The following MTOR variants were observed in gnomAD, a reference collection of about 807,000 sequenced individuals.
MTOR encodes the protein mechanistic target of rapamycin kinase.
Under a neutral mutation model 319.8 loss-of-function variants are expected in MTOR, and 70 were observed. The ratio of observed to expected loss-of-function variants is 0.22; its 90% CI spans 0.18 to 0.27. The LOEUF is 0.27. Among genes scored for constraint, MTOR ranks in the 10% least tolerant of loss-of-function variants. MTOR has a pLI of 1.00. For missense variants in MTOR, 1,890 were observed against 3,274.4 expected (o/e 0.58, Z 10.32); for synonymous variants, 1,183 against 1,211.4 (o/e 0.98, Z 0.49).
chr1:11,167,794 G>A (rs1379899929), intron 28 of MTOR, among the ~76,000 whole-genome samples: 2 of 152,212 alleles, frequency 1.3e-5, no homozygotes, highest in Non-Finnish European at 2.9e-5. Context: ...ACTAGGCTGG[G>A]TGTGGTGGCT....
chr1:11,193,894 T>C, intron 28 of MTOR: 1 of 1,088,148 alleles, frequency 9.2e-7, no homozygotes, highest in East Asian at 2.6e-5. Flanking sequence ...ATTGTGATGG[T>C]TTTCCTGCAA....
chr1:11,154,279 TTTG>T (rs140562940), intron 30 of MTOR, among the ~76,000 whole-genome samples: 13,352 of 150,998 alleles, frequency 0.088, 946 homozygotes, highest in South Asian at 0.2. Context: ...ACATGGAATT[TTTG>T]TTGTTGTTGT....
chr1:11,144,910 GA>G, intron 33 of MTOR, 57 bp downstream of exon 33: 1 of 1,588,852 alleles, frequency 6.3e-7, no homozygotes. Context: ...AGCCCATTCT[GA>G]AAAAAGTATG....
intron 47 of MTOR, among the ~76,000 whole-genome samples, chr1:11,124,066 G>A (rs773357496): frequency 6.6e-6 from 1 of 152,234 alleles, no homozygotes; most frequent in Non-Finnish European, 1.5e-5. Flanking sequence ...GGGATTATAG[G>A]CATGGGCCAC....
At chr1:11,175,205 C>T (rs1644944228) in intron 28 of MTOR, among the ~76,000 whole-genome samples, 1 of 152,166 alleles carries the variant, frequency 6.6e-6, no homozygotes, top group Admixed American at 6.5e-5. Context: ...CAGAAACTGC[C>T]TATCCGCATA....
chr1:11,126,578 G>A (rs375943079), intron 46 of MTOR, 44 bp downstream of exon 46: 9 of 1,598,498 alleles, frequency 5.6e-6, no homozygotes, highest in Non-Finnish European at 7.7e-6. Context: ...CTCAGCCAGT[G>A]TAGGAGGGAG....
intron 28 of MTOR, among the ~76,000 whole-genome samples, chr1:11,176,130 C>G (rs1644980170): frequency 6.6e-6 from 1 of 152,218 alleles, no homozygotes. Context: ...TGCTGACCCA[C>G]AGCAAAGCAG....
rs1026651088 is a variant in MTOR at position 11,133,823 on chromosome 1, G to C, written c.5246+528C>G. Among the ~76,000 whole-genome samples, 6 of 152,190 alleles carry C rather than the reference G, an allele frequency of 3.9e-5. No individual in the cohort carries two copies. The highest frequency in any genetic ancestry group is 1.3e-4 in the Admixed American group (2 of 15,276). ...ACCTATAATCCCAGCATTTTGGAAG[G>C]CTGTGGAGGGAGGCTGGCTGGAGCA... On this transcript the variant is annotated intron_variant, in intron 37 of 57. Transcript: ENST00000361445. This position sits in a 1 kb window ranked among gnomAD's most constrained non-coding sequence, Gnocchi z 4.0.
intron 28 of MTOR, among the ~76,000 whole-genome samples, chr1:11,182,990 T>C (rs572442898): frequency 6.6e-6 from 1 of 152,326 alleles, no homozygotes; most frequent in East Asian, 1.9e-4. Context: ...TATAGCAGAA[T>C]TGTTGAGTTA....
At chr1:11,255,351 C>A (rs1367405513) in intron 5 of MTOR, among the ~76,000 whole-genome samples, 4 of 137,634 alleles carry the variant, frequency 2.9e-5, no homozygotes, top group Non-Finnish European at 6.0e-5. Flanking sequence ...CCACTAAACT[C>A]CAGCTTGGTG....
At chr1:11,232,012 C>A (rs1425331768) in intron 16 of MTOR, among the ~76,000 whole-genome samples, 2 of 152,212 alleles carry the variant, frequency 1.3e-5, no homozygotes, top group Non-Finnish European at 2.9e-5. Context: ...GCTGCCATGC[C>A]CAGAAATAAA....
chr1:11,193,445 GAGTGAGCCAGTGTGACT>G, intron 28 of MTOR: 1 of 753,366 alleles, frequency 1.3e-6, no homozygotes, highest in Non-Finnish European at 2.1e-6. Context: ...ATCACTGCCC[GAGTGAGCCAGTGTGACT>G]GCGGGAGTGC....
chr1:11,114,488 T>G (rs571694850), intron 52 of MTOR, 35 bp from the exon 53 acceptor site: 2 of 1,612,094 alleles, frequency 1.2e-6, no homozygotes, highest in South Asian at 2.2e-5. Context: ...CCACAGGAGT[T>G]ACTAACTCTC....
chr1:11,124,157 T>C (rs1176376517), intron 47 of MTOR, among the ~76,000 whole-genome samples: 2 of 152,108 alleles, frequency 1.3e-5, no homozygotes, highest in Non-Finnish European at 2.9e-5. Context: ...CTTGAATTCC[T>C]GGGCTCAAGT....
chr1:11,161,462 A>G (rs1644474581), intron 29 of MTOR, among the ~76,000 whole-genome samples: 1 of 152,176 alleles, frequency 6.6e-6, no homozygotes, highest in African/African-American at 2.4e-5. Context: ...AGAGTTTGAG[A>G]TCTGAGAGGC....
chr1:11,228,679 C>T lies in MTOR; in HGVS notation c.3019G>A (p.Ala1007Thr), dbSNP rs778161719. Residue 1007 changes from alanine (A) to threonine (T), a missense_variant, in exon 19 of 58, where the codon GCC (alanine) becomes ACC (threonine). By Grantham distance (58) the Ala-to-Thr change is moderately conservative. This residue lies in a region of MTOR where 377 missense variants were observed against 653.9 expected (regional missense o/e 0.58). Transcript: ENST00000361445. ...TTTGAGGTACTTACTTCCCGGATGG[C>T]CCCATCACAGACTCGAATGACGTTA... ...FLNVIRVCDG[A>T]IREFLFQQLG... 3.1e-6 allele frequency: 5 copies of T among 1,613,754 alleles called. No homozygotes were observed. Among genetic ancestry groups the T allele is most frequent in the South Asian group, 1.1e-5 (1 of 91,068 alleles).
At position 11,157,239 on chromosome 1, in the gene MTOR, A is replaced by G. The variant is rs761536364; in HGVS notation, c.4382T>C (p.Val1461Ala). The change falls in exon 30 of 58, where the codon GTG becomes GCG. Residue 1461 changes from valine (V) to alanine (A), a missense_variant. By Grantham distance (64) the Val-to-Ala change is moderately conservative. This residue lies in a region of MTOR where 276 missense variants were observed against 459.4 expected (regional missense o/e 0.60). Coordinates refer to ENST00000361445, the MANE Select transcript of MTOR (RefSeq NM_004958.4). Reference sequence around the variant, plus strand: ...GGTGTCCATTTTCTTGTCATAGGCCACAAGGGCATCCTCCCACTCGTGCAG... The same window carrying G: ...GGTGTCCATTTTCTTGTCATAGGCCGCAAGGGCATCCTCCCACTCGTGCAG... The part of the protein sequence containing the change: ...EKLHEWEDAL[V>A]AYDKKMDTNK... 33 of 1,614,034 alleles carry G rather than the reference A, an allele frequency of 2.0e-5. No homozygotes were observed. Among genetic ancestry groups the G allele is most frequent in the Non-Finnish European group, 2.7e-5 (32 of 1,180,014 alleles).
At chr1:11,192,532 G>A (rs1475125681) in intron 28 of MTOR, among the ~76,000 whole-genome samples, 1 of 152,120 alleles carries the variant, frequency 6.6e-6, no homozygotes. Context: ...GAGGCAGGTG[G>A]ATCACTTCAG....
chr1:11,192,124 T>C, intron 28 of MTOR: 1 of 665,918 alleles, frequency 1.5e-6, no homozygotes, highest in East Asian at 2.7e-5. Flanking sequence ...GATCTCCCCA[T>C]ATCCACCTCT....
Sources: gnomAD v4.1 joint callset for allele counts (sites outside exome capture counted in the v4.1 genomes callset) on GRCh38, gnomAD v4.1.1 for gene constraint, gnomAD v4.1.1 regional missense constraint, Gnocchi (gnomAD v3.1) non-coding constraint, MANE v1.5 for transcripts, NCBI Gene and HGNC (gene_info 2026-07-23, HGNC 2026-07-21) for gene names.